Variants in LRRTM4 observed in about 807,000 individuals in gnomAD.
LRRTM4 encodes the protein leucine-rich repeat transmembrane neuronal protein 4.
LRRTM4 carries 25 observed loss-of-function variants against 47.6 expected under a neutral mutation model. The ratio of observed to expected loss-of-function variants is 0.53; its 90% CI spans 0.38 to 0.73. The LOEUF is 0.73. Ranked by LOEUF, LRRTM4 falls within the 30% of genes least tolerant of loss-of-function variation. LRRTM4 has a pLI of 0.00. For synonymous variants in LRRTM4, 311 were observed against 269.5 expected (o/e 1.15, Z -1.51); for missense variants, 638 against 713.4 (o/e 0.89, Z 1.20).
chr2:77,322,603 G>A (rs377625215), intron 3 of LRRTM4, among the ~76,000 whole-genome samples: 31 of 151,820 alleles, frequency 2.0e-4, no homozygotes, highest in Admixed American at 7.9e-4. Flanking sequence ...GAATGGCTTC[G>A]GGGGAAAACT....
intron 3 of LRRTM4, among the ~76,000 whole-genome samples, chr2:76,837,346 A>G (rs1671543951): frequency 6.6e-6 from 1 of 151,904 alleles, no homozygotes; most frequent in Non-Finnish European, 1.5e-5. Context: ...GGATTCATTA[A>G]TTTTTTGAAG....
chr2:77,174,072 C>G (rs1006190967), intron 3 of LRRTM4, among the ~76,000 whole-genome samples: 1 of 151,964 alleles, frequency 6.6e-6, no homozygotes, highest in African/African-American at 2.4e-5. Context: ...AAGGAGGGAC[C>G]CTAACTCTGC....
chr2:76,905,127 G>A (rs1018662589), intron 3 of LRRTM4, among the ~76,000 whole-genome samples: 3 of 152,096 alleles, frequency 2.0e-5, no homozygotes, highest in African/African-American at 4.8e-5. Flanking sequence ...CACCTCACAT[G>A]GCCGGGTACT....
chr2:77,033,464 T>A (rs1447136288), intron 3 of LRRTM4, among the ~76,000 whole-genome samples: 1 of 151,944 alleles, frequency 6.6e-6, no homozygotes, highest in African/African-American at 2.4e-5. Flanking sequence ...TTGTATATGA[T>A]ATCGGCCATG....
intron 3 of LRRTM4, among the ~76,000 whole-genome samples, chr2:77,117,779 C>T (rs868373534): frequency 2.4e-4 from 36 of 152,044 alleles, no homozygotes; most frequent in African/African-American, 7.2e-4. Context: ...TAAGAGACTT[C>T]ATTTACTCAG....
chr2:77,483,593 G>A (rs1034540431), intron 3 of LRRTM4, among the ~76,000 whole-genome samples: 1 of 152,190 alleles, frequency 6.6e-6, no homozygotes, highest in Admixed American at 6.5e-5. Context: ...TACCCGTCTC[G>A]GCCTCCCAAA....
At chr2:77,259,679 T>C (rs1454624329) in intron 3 of LRRTM4, among the ~76,000 whole-genome samples, 4 of 152,028 alleles carry the variant, frequency 2.6e-5, no homozygotes, top group Non-Finnish European at 4.4e-5. Context: ...CCTAAGGTTA[T>C]ATATGAAGGA....
intron 3 of LRRTM4, among the ~76,000 whole-genome samples, chr2:77,017,556 T>G (rs1185181869): frequency 6.6e-6 from 1 of 152,164 alleles, no homozygotes; most frequent in African/African-American, 2.4e-5. Flanking sequence ...TGGCCACATC[T>G]CTCACGTGTT....
At chr2:77,082,808 T>C (rs7562726) in intron 3 of LRRTM4, among the ~76,000 whole-genome samples, 11,626 of 152,122 alleles carry the variant, frequency 0.076, 737 homozygotes, top group African/African-American at 0.18. Context: ...GTATTTGCTC[T>C]TTTAAAAAAA....
intron 3 of LRRTM4, among the ~76,000 whole-genome samples, chr2:76,914,075 T>C (rs1674162522): frequency 6.6e-6 from 1 of 151,832 alleles, no homozygotes; most frequent in Non-Finnish European, 1.5e-5. Context: ...GAAAGTATTA[T>C]TTATATAACT....
chr2:77,324,891 C>T (rs926099164), intron 3 of LRRTM4, among the ~76,000 whole-genome samples: 1 of 152,150 alleles, frequency 6.6e-6, no homozygotes, highest in East Asian at 1.9e-4. Flanking sequence ...GTAGGTGATT[C>T]GAACCAAGGT....
intron 3 of LRRTM4, among the ~76,000 whole-genome samples, chr2:77,446,082 CAT>C (rs1676039347): frequency 6.6e-6 from 1 of 152,036 alleles, no homozygotes; most frequent in African/African-American, 2.4e-5. Flanking sequence ...TTCAAAATAA[CAT>C]TATCATCATA....
At chr2:76,774,112 A>G (rs1207397831) in intron 3 of LRRTM4, among the ~76,000 whole-genome samples, 1 of 152,102 alleles carries the variant, frequency 6.6e-6, no homozygotes, top group Non-Finnish European at 1.5e-5. Context: ...TAGTCAATAT[A>G]TATTTTGTAT....
chr2:77,080,993 T>C (rs558723905), intron 3 of LRRTM4, among the ~76,000 whole-genome samples: 1 of 152,282 alleles, frequency 6.6e-6, no homozygotes, highest in South Asian at 2.1e-4. Context: ...CCCAGCTATG[T>C]ACTAGGTAAC....
chr2:77,342,589 A>T (rs1007833508), intron 3 of LRRTM4, among the ~76,000 whole-genome samples: 1 of 151,978 alleles, frequency 6.6e-6, no homozygotes, highest in Non-Finnish European at 1.5e-5. Flanking sequence ...GGGAAAATAG[A>T]AATAAAATTA....
chr2:76,961,619 A>G (rs1203309382), intron 3 of LRRTM4, among the ~76,000 whole-genome samples: 2 of 151,340 alleles, frequency 1.3e-5, no homozygotes, highest in Non-Finnish European at 3.0e-5. Context: ...TTGGACCAAT[A>G]GTAAGAAAGG....
intron 3 of LRRTM4, among the ~76,000 whole-genome samples, chr2:76,789,415 C>G (rs1674850466): frequency 6.6e-6 from 1 of 152,188 alleles, no homozygotes; most frequent in Non-Finnish European, 1.5e-5. Context: ...CCAAAACAAT[C>G]AACTTCAAAG....
At chr2:77,091,745 T>C (rs778501810) in intron 3 of LRRTM4, among the ~76,000 whole-genome samples, 2,326 of 148,174 alleles carry the variant, frequency 0.016, 3 homozygotes, top group African/African-American at 0.056. Context: ...GCCGCAAAGC[T>C]TCACAGACAG....
At chr2:77,463,834 C>T (rs1220585237) in intron 3 of LRRTM4, among the ~76,000 whole-genome samples, 8 of 152,142 alleles carry the variant, frequency 5.3e-5, no homozygotes, top group Non-Finnish European at 1.0e-4. Flanking sequence ...CTGTACACCA[C>T]ATGGCGGGTG....
Sources: gnomAD v4.1 joint callset for allele counts (sites outside exome capture counted in the v4.1 genomes callset) on GRCh38, gnomAD v4.1.1 for gene constraint, MANE v1.5 for transcripts, NCBI Gene and HGNC (gene_info 2026-07-23, HGNC 2026-07-21) for gene names.